PRH1: variants seen among roughly 807,000 people sequenced by gnomAD.
PRH1 encodes proline rich protein HaeIII subfamily 1, also known as salivary acidic proline-rich phosphoprotein 1/2.
PRH1 carries 7 observed loss-of-function variants against 7.9 expected under a neutral mutation model. The observed-to-expected ratio is 0.89, with a 90% confidence interval of 0.50 to 1.67. The LOEUF (loss-of-function observed/expected upper bound fraction) is 1.67. PRH1 is among the 40% of genes most tolerant of loss of function. PRH1 has a pLI of 0.00. For missense variants in PRH1, 109 were observed against 223.6 expected, an observed-to-expected ratio of 0.49 and a Z score of 3.27; for synonymous variants, 45 against 80.8, an observed-to-expected ratio of 0.56 and a Z score of 2.38.
chr12:11,106,576 T>C (rs1421397161), intron 1 of PRH1, among the ~76,000 whole-genome samples: 1 of 151,910 alleles, frequency 6.6e-6, no homozygotes, highest in Non-Finnish European at 1.5e-5. Context: ...TTGAAGAGTC[T>C]AGATCTTCAT....
rs765962799 is a variant in PRH1, at chr12:10,938,345, C to A, written c.-59+35310G>T. 1.2e-6 allele frequency: 2 copies of A among 1,613,926 alleles called. No individual in the cohort carries two copies. Among genetic ancestry groups the A allele is most frequent in the Non-Finnish European group, 1.7e-6 (2 of 1,179,946 alleles). On this transcript the variant is annotated intron_variant, in intron 2 of 3. Coordinates refer to the PRH1 transcript ENST00000539853. ...CAGTAGCACTGACAGAGAGGCCTGT[C>A]TCAGCTTCTTGTTTCCAAGAATCAG...
intron 1 of PRH1, among the ~76,000 whole-genome samples, chr12:11,140,009 T>A (rs1347135000): frequency 1.3e-5 from 2 of 152,066 alleles, no homozygotes; most frequent in African/African-American, 4.8e-5. Context: ...TATTTTTACT[T>A]CAATAAATTT....
At position 11,084,197 on chromosome 12, in the gene PRH1, A is replaced by G. The variant is rs1029701675; in HGVS notation, n.124-37009T>C. Among the ~76,000 whole-genome samples, 25 of 27,946 alleles carry G rather than the reference A, an allele frequency of 8.9e-4. 5 individuals carry two copies. The highest frequency in any genetic ancestry group is 1.5e-3 in the African/African-American group (24 of 15,758). The allele number at this position is 27,946 out of a possible 152,430, so 18.3% of individuals were successfully genotyped here. The stretch of plus-strand genomic sequence containing the variant: ...TGTTCCGTGGGCTCTTGGGATTGTA[A>G]CGGGCACAAGCAGCACCCTTCTGCA... On this transcript the variant is annotated intron_variant and non_coding_transcript_variant, in intron 1 of 4. Transcript: ENST00000541977.
intron 1 of PRH1, among the ~76,000 whole-genome samples, chr12:11,127,540 T>C (rs1241804841): frequency 1.3e-5 from 2 of 152,282 alleles, no homozygotes; most frequent in Non-Finnish European, 2.9e-5. Flanking sequence ...GGAAGGCCAA[T>C]ATTCCTTGAA....
intron 2 of PRH1, among the ~76,000 whole-genome samples, chr12:10,912,583 T>C (rs1193047108): frequency 2.0e-5 from 3 of 152,128 alleles, no homozygotes; most frequent in African/African-American, 7.2e-5. Flanking sequence ...TCTTATATTG[T>C]TATTTAATTA....
chr12:11,053,375 A>T (rs1387813963), intron 1 of PRH1, among the ~76,000 whole-genome samples: 1 of 152,246 alleles, frequency 6.6e-6, no homozygotes, highest in Non-Finnish European at 1.5e-5. Flanking sequence ...TAAGAGCTTG[A>T]TCATGAAATG....
At chr12:11,037,448 T>G (rs78625135) in intron 1 of PRH1, among the ~76,000 whole-genome samples, 57 of 152,192 alleles carry the variant, frequency 3.7e-4, no homozygotes, top group African/African-American at 1.3e-3. Flanking sequence ...TAACCCAACT[T>G]ACAGGTGTAC....
rs781180817 is a variant in PRH1 at position 11,022,413 on chromosome 12, G to C, written c.-126+24607C>G. 21 of 1,613,980 alleles carry C rather than the reference G, an allele frequency of 1.3e-5. No homozygotes were observed. The South Asian group carries it at 2.2e-4, about 17-fold the overall frequency. On this transcript the variant is annotated intron_variant, in intron 1 of 3. Coordinates refer to the PRH1 transcript ENST00000539853. ...TGACCCAGAGTAAACCAATTCTGGAGACCACCAGAGCAGTGAGAATTTGCT... is the reference window on the plus strand; with the variant it reads ...TGACCCAGAGTAAACCAATTCTGGACACCACCAGAGCAGTGAGAATTTGCT...
At chr12:10,972,485 T>G (rs541049021) in intron 2 of PRH1, among the ~76,000 whole-genome samples, 3 of 151,426 alleles carry the variant, frequency 2.0e-5, no homozygotes, top group Non-Finnish European at 3.0e-5. Context: ...CATACACTGT[T>G]CTTTCTATTT....
chr12:11,136,833 C>A (rs1946570057), intron 1 of PRH1, among the ~76,000 whole-genome samples: 1 of 152,152 alleles, frequency 6.6e-6, no homozygotes, highest in Non-Finnish European at 1.5e-5. Flanking sequence ...CCAGCCTGTG[C>A]AATACACCGA....
chr12:11,078,207 C>A (rs1369410319), intron 1 of PRH1: 7 of 479,094 alleles, frequency 1.5e-5, no homozygotes, highest in East Asian at 8.4e-5. Flanking sequence ...CAAACACTAC[C>A]AGAATTGATA....
At chr12:10,884,381 C>A, upstream of PRH1, 2 of 755,736 alleles carry the variant, frequency 2.6e-6, no homozygotes, top group Non-Finnish European at 4.5e-6. Flanking sequence ...TCAAGTGTAT[C>A]CCTCATTTCT....
chr12:11,055,631 T>C (rs1051834004), intron 1 of PRH1, among the ~76,000 whole-genome samples: 3 of 152,230 alleles, frequency 2.0e-5, no homozygotes, highest in African/African-American at 7.2e-5. Flanking sequence ...TTCATGCTGA[T>C]GTTGAAGTAA....
chr12:11,035,918 C>T (rs1429218647), intron 1 of PRH1, among the ~76,000 whole-genome samples: 8 of 152,082 alleles, frequency 5.3e-5, no homozygotes, highest in African/African-American at 1.9e-4. Context: ...TTTTTTGAGA[C>T]GGAGTGTCGC....
intron 2 of PRH1, among the ~76,000 whole-genome samples, chr12:10,971,161 T>C (rs1339789733): frequency 1.3e-5 from 2 of 152,228 alleles, no homozygotes; most frequent in African/African-American, 2.4e-5. Flanking sequence ...ACTCCCCATA[T>C]ATGCCTTCTG....
intron 2 of PRH1, among the ~76,000 whole-genome samples, chr12:10,923,346 C>A (rs1204426778): frequency 6.6e-6 from 1 of 151,690 alleles, no homozygotes; most frequent in African/African-American, 2.4e-5. Flanking sequence ...CCAGGCTGGT[C>A]TTGAACTCCT....
downstream of PRH1, among the ~76,000 whole-genome samples, chr12:11,118,804 C>G (rs549901622): frequency 5.9e-4 from 89 of 152,100 alleles, no homozygotes; most frequent in African/African-American, 2.0e-3. Context: ...ACCATCCTGG[C>G]CAACATGGTG....
chr12:10,940,741 A>C (rs1260410956), intron 2 of PRH1, among the ~76,000 whole-genome samples: 1 of 152,164 alleles, frequency 6.6e-6, no homozygotes. Flanking sequence ...AAAGTAAGTA[A>C]AGTGAGCAAA....
chr12:11,015,521 T>G (rs1339725819), intron 1 of PRH1, among the ~76,000 whole-genome samples: 1 of 152,180 alleles, frequency 6.6e-6, no homozygotes, highest in African/African-American at 2.4e-5. Flanking sequence ...TGCTGCAGAC[T>G]CGTACCAAAT....
Sources: gnomAD v4.1 joint callset for allele counts (sites outside exome capture counted in the v4.1 genomes callset) on GRCh38, gnomAD v4.1.1 for gene constraint, MANE v1.5 for transcripts, NCBI Gene and HGNC (gene_info 2026-07-23, HGNC 2026-07-21) for gene names.